Variants in DLG5 observed in about 807,000 individuals in gnomAD.
DLG5 encodes the protein discs large MAGUK scaffold protein 5, also known as disks large homolog 5.
Under a neutral mutation model 189.8 loss-of-function variants are expected in DLG5, and 48 were observed. The observed-to-expected ratio is 0.25, with a 90% CI of 0.20 to 0.32. DLG5 has a LOEUF of 0.32. Among genes scored for constraint, DLG5 ranks in the 10% least tolerant of loss-of-function variants. The probability of loss-of-function intolerance (pLI) is 1.00; values close to 1 mark genes in which losing one functional copy is unlikely to be tolerated. For synonymous variants in DLG5, 1,016 were observed against 1,054.1 expected (o/e 0.96, Z 0.70); for missense variants, 2,160 against 2,544.7 (o/e 0.85, Z 3.25).
intron 1 of DLG5, among the ~76,000 whole-genome samples, chr10:77,880,140 G>C (rs1384676996): frequency 6.6e-6 from 1 of 152,082 alleles, no homozygotes; most frequent in Non-Finnish European, 1.5e-5. Context: ...TGAGATGGGA[G>C]AGTCGACCAC....
intron 17 of DLG5, among the ~76,000 whole-genome samples, chr10:77,818,752 C>A (rs146428000): frequency 2.0e-5 from 3 of 151,384 alleles, no homozygotes; most frequent in Non-Finnish European, 2.9e-5. Flanking sequence ...GCCTTCATAG[C>A]CTCTTGGCAC....
intron 1 of DLG5, among the ~76,000 whole-genome samples, chr10:77,884,226 T>G (rs1422538484): frequency 1.3e-5 from 2 of 152,162 alleles, no homozygotes; most frequent in Non-Finnish European, 2.9e-5. Context: ...GCAAAGAAAC[T>G]TCTGATCTGG....
intron 30 of DLG5, 64 bp from the exon 31 acceptor site, chr10:77,794,181 T>C (rs983492599): frequency 2.0e-6 from 3 of 1,480,500 alleles, no homozygotes; most frequent in African/African-American, 2.8e-5. Context: ...TTCCTTCCTC[T>C]GTCCAGGCTA....
chr10:77,883,382 C>T (rs1845341411), intron 1 of DLG5, among the ~76,000 whole-genome samples: 2 of 152,076 alleles, frequency 1.3e-5, no homozygotes, highest in Admixed American at 6.5e-5. Context: ...GGAATGAGAT[C>T]GTTGAAATCC....
chr10:77,796,289 G>T lies in DLG5; in HGVS notation c.5309-101C>A. ...CTGCTCAGCAGCTGTCAGTAACCCA[G>T]TCCTGCCATGCATGAATCTGACCCA... On this transcript the variant is annotated intron_variant, in intron 28 of 31. Coordinates refer to ENST00000372391, the MANE Select transcript of DLG5 (RefSeq NM_004747.4). This position sits in a 1 kb window ranked among gnomAD's most constrained non-coding sequence, Gnocchi z 5.2. The T allele has an allele frequency of 1.9e-6, 3 of 1,596,948 alleles. No homozygotes were observed. The South Asian group carries it at 3.3e-5, about 18-fold the overall frequency.
rs1846705258 is a variant in DLG5 at position 77,926,645 on chromosome 10, T to TGGGCCG, written c.-131_-126dup. 7.4e-6 allele frequency: 5 copies of TGGGCCG among 677,774 alleles called. No homozygotes were observed. The highest frequency in any genetic ancestry group is 6.0e-5 in the Admixed American group (1 of 16,688). 42.0% of individuals were successfully genotyped at this position (677,774 alleles called of 1,614,324 possible). The stretch of plus-strand genomic sequence containing the variant: ...GGGAGCCGTGAGGCGGCGGGAGCCA[T>TGGGCCG]GGGCCGGGGCCTGGGCGGGCTGGGG... On this transcript the variant is annotated 5_prime_UTR_variant, in exon 1 of 32. Coordinates refer to ENST00000372391, the MANE Select transcript of DLG5 (RefSeq NM_004747.4). This position sits in a 1 kb window ranked among gnomAD's most constrained non-coding sequence, Gnocchi z 5.2.
intron 20 of DLG5, among the ~76,000 whole-genome samples, chr10:77,814,208 C>T (rs1473904739): frequency 1.3e-5 from 2 of 151,818 alleles, no homozygotes; most frequent in Non-Finnish European, 2.9e-5. Context: ...GAACCCCTGA[C>T]CTCAGGTGAT....
Position 77,926,666 on chromosome 10 carries a change from T to G in DLG5, c.-146A>C. On this transcript the variant is annotated 5_prime_UTR_variant, in exon 1 of 32. Coordinates refer to ENST00000372391, the MANE Select transcript of DLG5 (RefSeq NM_004747.4). This position sits in a 1 kb window ranked among gnomAD's most constrained non-coding sequence, Gnocchi z 5.2. ...GCCATGGGCCGGGGCCTGGGCGGGC[T>G]GGGGGCCCGGGGCGGCGGGCGGCGC... 2.2e-6 allele frequency: 1 copy of G among 454,652 alleles called. No homozygotes were observed. Among genetic ancestry groups the G allele is most frequent in the Non-Finnish European group, 2.9e-6 (1 of 344,776 alleles). The allele number at this position is 454,652 out of a possible 1,614,324, so 28.2% of individuals were successfully genotyped here. A position where few individuals can be genotyped will look rare whatever the true frequency, so the allele number is the denominator to read the frequency against.
the DLG5 span, among the ~76,000 whole-genome samples, chr10:77,938,214 A>G: frequency 6.6e-6 from 1 of 151,930 alleles, no homozygotes; most frequent in Non-Finnish European, 1.5e-5. Context: ...GGGGCCAAGG[A>G]AGGATGATCA....
intron 19 of DLG5, 80 bp downstream of exon 19, chr10:77,816,927 C>G: frequency 6.6e-7 from 1 of 1,511,478 alleles, no homozygotes; most frequent in Admixed American, 1.7e-5. Context: ...ATGAAGTTCT[C>G]AGCTAAGCCC....
rs1449635876 is a variant in DLG5 at position 77,919,494 on chromosome 10, TG to T, written c.304+6722del. Among the ~76,000 whole-genome samples, 518 of 140,004 alleles carry T rather than the reference TG, an allele frequency of 3.7e-3. 5 individuals carry two copies. Among genetic ancestry groups the T allele is most frequent in the African/African-American group, 0.013 (490 of 37,400 alleles). 91.8% of individuals were successfully genotyped at this position (140,004 alleles called of 152,430 possible). On this transcript the variant is annotated intron_variant, in intron 1 of 31. Transcript: ENST00000372391. Reference sequence around the variant, plus strand: ...ACCTCTTCTGTTTTGACTGTTGAACTGGGGGAAAAAAAAAAAACAAGCACCA... The same window carrying T: ...ACCTCTTCTGTTTTGACTGTTGAACTGGGGAAAAAAAAAAAACAAGCACCA...
intron 1 of DLG5, among the ~76,000 whole-genome samples, chr10:77,898,904 TC>T (rs1845843048): frequency 6.6e-6 from 1 of 152,212 alleles, no homozygotes; most frequent in South Asian, 2.1e-4. Flanking sequence ...AGGATTCTCC[TC>T]CTACCCAGAT....
At chr10:77,891,924 T>C (rs1318978309) in intron 1 of DLG5, among the ~76,000 whole-genome samples, 4 of 152,248 alleles carry the variant, frequency 2.6e-5, no homozygotes, top group Admixed American at 6.5e-5. Flanking sequence ...CTCAGGGATC[T>C]GGCTGTCCCC....
intron 1 of DLG5, among the ~76,000 whole-genome samples, chr10:77,884,706 C>T (rs1028811652): frequency 2.6e-5 from 4 of 152,068 alleles, no homozygotes; most frequent in Admixed American, 6.6e-5. Context: ...TTTGAGGCCC[C>T]GAGAAACAGA....
chr10:77,826,074 C>A (rs969616238), intron 13 of DLG5, among the ~76,000 whole-genome samples: 5 of 152,144 alleles, frequency 3.3e-5, no homozygotes, highest in East Asian at 1.9e-4. Context: ...AAAGCCATGA[C>A]CTTTTTGGAG....
intron 5 of DLG5, chr10:77,846,591 G>A (rs1033506960): frequency 3.2e-5 from 13 of 406,068 alleles, no homozygotes; most frequent in East Asian, 7.4e-5. Flanking sequence ...CTGCTACTCC[G>A]GAGGCTGAGG....
chr10:77,908,256 G>A (rs1846120636), intron 1 of DLG5, among the ~76,000 whole-genome samples: 1 of 152,146 alleles, frequency 6.6e-6, no homozygotes, highest in East Asian at 1.9e-4. Context: ...TGGGGAGAAC[G>A]CTGGCTTTCC....
intron 5 of DLG5, chr10:77,846,675 C>A (rs768508828): frequency 6.6e-6 from 3 of 455,776 alleles, no homozygotes; most frequent in South Asian, 1.6e-5. Context: ...CCAGCCTTGG[C>A]GACAGAGAAA....
At chr10:77,830,977 T>C (rs534530205) in intron 9 of DLG5, 104 bp from the exon 10 acceptor site, 2 of 1,357,588 alleles carry the variant, frequency 1.5e-6, no homozygotes, top group South Asian at 2.9e-5. Flanking sequence ...ACAGCTAAAA[T>C]GGGTTCCTTT....
Sources: allele counts gnomAD v4.1 joint callset (sites outside exome capture counted in the v4.1 genomes callset), GRCh38; gene constraint gnomAD v4.1.1; non-coding constraint Gnocchi (gnomAD v3.1); transcripts MANE v1.5; gene names NCBI Gene and HGNC (gene_info 2026-07-23, HGNC 2026-07-21).